GOLGA4: variants seen among roughly 807,000 people sequenced by gnomAD.
The protein encoded by GOLGA4 is golgin subfamily A member 4.
Under a neutral mutation model 265.9 loss-of-function variants are expected in GOLGA4, and 169 were observed. That is an observed-to-expected ratio of 0.64 (90% CI 0.56 to 0.72). The LOEUF is 0.72. GOLGA4 is among the 30% of genes least tolerant of loss of function. The probability of loss-of-function intolerance (pLI) is 0.00; values close to 1 mark genes in which losing one functional copy is unlikely to be tolerated. For synonymous variants in GOLGA4, 923 were observed against 855.8 expected, an observed-to-expected ratio of 1.08 and a Z score of -1.37; for missense variants, 2,482 against 2,483.4, an observed-to-expected ratio of 1.00 and a Z score of 0.01.
chr3:37,244,466 G>C (rs1292089259), intron 1 of GOLGA4, among the ~76,000 whole-genome samples: 1 of 152,210 alleles, frequency 6.6e-6, no homozygotes, highest in East Asian at 1.9e-4. Flanking sequence ...GCGTTCACTG[G>C]AGATGTTTCG....
rs544072031 is a variant in GOLGA4, at chr3:37,243,973, G to C, written c.72+351G>C. The C allele has an allele frequency of 7.1e-5, 18 of 253,408 alleles. No individual in the cohort carries two copies. The South Asian group carries it at 1.2e-3, about 17-fold the overall frequency. The allele number at this position is 253,408 out of a possible 1,614,324, so 15.7% of individuals were successfully genotyped here. On this transcript the variant is annotated intron_variant, in intron 1 of 23. Coordinates refer to ENST00000361924, the MANE Select transcript of GOLGA4 (RefSeq NM_002078.5). The stretch of plus-strand genomic sequence containing the variant: ...CCACTCATCTGAGACCCCACGCTGG[G>C]AATGAGGGCGGGGTGGAAAAACCCG...
At chr3:37,306,670 T>A (rs771002987) in intron 10 of GOLGA4, among the ~76,000 whole-genome samples, 11 of 152,162 alleles carry the variant, frequency 7.2e-5, no homozygotes, top group East Asian at 1.9e-4. Flanking sequence ...TAATTTTTTT[T>A]AATTATTGTA....
Position 37,323,623 on chromosome 3 carries a change from C to T in GOLGA4, c.1737C>T (p.Ser579=). Residue 579 remains serine, a synonymous_variant, in exon 14 of 24, where the codon AGC becomes AGT. Transcript: ENST00000361924. ...AATTGGAAAGTTCTTTGGAAAAAAGCTTACAAGAAAACAAAAATCAGTCAA... is the reference window on the plus strand; with the variant it reads ...AATTGGAAAGTTCTTTGGAAAAAAGTTTACAAGAAAACAAAAATCAGTCAA... ...ILELESSLEK[S]LQENKNQSKD... The T allele has an allele frequency of 3.2e-6, 5 of 1,574,968 alleles. No individual in the cohort carries two copies. The East Asian group carries it at 6.7e-5, about 21-fold the overall frequency.
chr3:37,304,027 C>A (rs1375435980), intron 10 of GOLGA4, among the ~76,000 whole-genome samples: 2 of 152,098 alleles, frequency 1.3e-5, no homozygotes, highest in Non-Finnish European at 2.9e-5. Context: ...GGCATTGTGA[C>A]TCAGAGTCTG....
At chr3:37,349,029 G>A (rs901913253) in intron 21 of GOLGA4, among the ~76,000 whole-genome samples, 3 of 152,102 alleles carry the variant, frequency 2.0e-5, no homozygotes, top group African/African-American at 7.2e-5. Flanking sequence ...TTTGTGTTGA[G>A]GAGTAGTGCT....
rs768593334 is a variant in GOLGA4 at position 37,327,429 on chromosome 3, C to T, written c.5543C>T (p.Thr1848Ile). 17 of 1,613,306 alleles carry T rather than the reference C, an allele frequency of 1.1e-5. No homozygotes were observed. Among genetic ancestry groups the T allele is most frequent in the Non-Finnish European group, 1.4e-5 (16 of 1,179,780 alleles). Residue 1848 changes from threonine (T) to isoleucine (I), a missense_variant, in exon 14 of 24, where the codon ACC becomes ATC. Thr to Ile is a moderately conservative substitution (Grantham distance 89). Around this residue, in one of 3 missense-constraint regions of GOLGA4, gnomAD observed 942 missense variants for 983.1 expected, o/e 0.96. Transcript: ENST00000361924. The part of the protein sequence containing the change: ...VQKTLQEKEL[T>I]CQILEQKIKE... ...AAAACCCTCCAGGAGAAGGAACTAACCTGTCAGATTTTGGAGCAAAAGATA... is the reference window on the plus strand; with the variant it reads ...AAAACCCTCCAGGAGAAGGAACTAATCTGTCAGATTTTGGAGCAAAAGATA...
intron 1 of GOLGA4, 98 bp from the exon 2 acceptor site, chr3:37,251,297 C>T (rs2096732972): frequency 4.4e-6 from 3 of 682,846 alleles, no homozygotes; most frequent in East Asian, 2.7e-5. Context: ...CTTTCTTTCA[C>T]TGAATTCTTT....
At chr3:37,335,647 A>T (rs2151000441) in intron 17 of GOLGA4, among the ~76,000 whole-genome samples, 1 of 152,274 alleles carries the variant, frequency 6.6e-6, no homozygotes, top group South Asian at 2.1e-4. Context: ...TAAGAAAAAC[A>T]ATTTCTATCT....
rs368685676 is a variant in GOLGA4, at chr3:37,276,294, C to CA, written c.163-5658dup. The CA allele has an allele frequency of 9.4e-6, 15 of 1,592,956 alleles. No individual in the cohort carries two copies. In the Admixed American group the frequency reaches 1.7e-4, roughly 18 times the overall value. On this transcript the variant is annotated intron_variant, in intron 2 of 23. Coordinates refer to ENST00000361924, the MANE Select transcript of GOLGA4 (RefSeq NM_002078.5). ...AGTAGGATATCAAATCTTAAAGATG[C>CA]AAAAAATCCAAATTTAAGGAAAAAT...
At chr3:37,288,162 T>TAC (rs1199919088) in intron 4 of GOLGA4, among the ~76,000 whole-genome samples, 2 of 146,208 alleles carry the variant, frequency 1.4e-5, no homozygotes, top group African/African-American at 5.2e-5. Context: ...ACTGCAGTGG[T>TAC]GCGATCTTGG....
At chr3:37,275,721 A>G (rs1578452676) in intron 2 of GOLGA4, 1 of 1,612,528 alleles carries the variant, frequency 6.2e-7, no homozygotes, top group Non-Finnish European at 8.5e-7. Flanking sequence ...CGCTTTGCCA[A>G]GAAGATGGAC....
chr3:37,302,235 G>A lies in GOLGA4; in HGVS notation c.1137G>A (p.Met379Ile), dbSNP rs913977550. 2 of 1,612,934 alleles carry A rather than the reference G, an allele frequency of 1.2e-6. No individual in the cohort carries two copies. Among genetic ancestry groups the A allele is most frequent in the African/African-American group, 2.7e-5 (2 of 74,904 alleles). ...GTCAGATGCATGAAACCCTGGAAATGAAAGAAGAAGAAATTGCTCAACTCC... is the reference window on the plus strand; with the variant it reads ...GTCAGATGCATGAAACCCTGGAAATAAAAGAAGAAGAAATTGCTCAACTCC... ...TKRQMHETLEMKEEEIAQLRS... is the reference protein window; with the variant it reads ...TKRQMHETLEIKEEEIAQLRS... Residue 379 changes from methionine (M) to isoleucine (I), a missense_variant, in exon 10 of 24, where the codon ATG (methionine) becomes ATA (isoleucine). Met to Ile is a conservative substitution (Grantham distance 10). Transcript: ENST00000361924.
At chr3:37,265,759 C>T (rs933760852) in intron 2 of GOLGA4, among the ~76,000 whole-genome samples, 5 of 151,956 alleles carry the variant, frequency 3.3e-5, no homozygotes, top group South Asian at 2.1e-4. Context: ...AATTTTAGGC[C>T]GGTTGTGCTG....
chr3:37,251,260 T>C, intron 1 of GOLGA4, 135 bp from the exon 2 acceptor site: 1 of 591,450 alleles, frequency 1.7e-6, no homozygotes, highest in South Asian at 2.2e-5. Flanking sequence ...GTTATCCTTT[T>C]CTGCTTTTCG....
chr3:37,347,360 A>C, intron 21 of GOLGA4, 64 bp downstream of exon 21: 1 of 886,302 alleles, frequency 1.1e-6, no homozygotes, highest in Middle Eastern at 2.6e-4. Flanking sequence ...TTCCACTTTT[A>C]ATACACATGT....
chr3:37,292,993 C>T (rs2150826025), intron 5 of GOLGA4, among the ~76,000 whole-genome samples: 1 of 152,284 alleles, frequency 6.6e-6, no homozygotes, highest in Admixed American at 6.5e-5. Flanking sequence ...GATAGTGCCT[C>T]AGTGTTTTGC....
In GOLGA4 at chr3:37,243,345, C is replaced by A; in HGVS notation, c.-206C>A. 1 of 577,482 alleles carries A rather than the reference C, an allele frequency of 1.7e-6. No individual in the cohort carries two copies. Among genetic ancestry groups the A allele is most frequent in the Non-Finnish European group, 3.1e-6 (1 of 321,864 alleles). The allele number at this position is 577,482 out of a possible 1,614,324, so 35.8% of individuals were successfully genotyped here. On this transcript the variant is annotated 5_prime_UTR_variant, in exon 1 of 24. Transcript: ENST00000361924. The stretch of plus-strand genomic sequence containing the variant: ...GGGGGGCCGAGGCCAGCCAGTGGCA[C>A]CCGGAAGAAAGAGACGCGGCGGCGG...
chr3:37,324,588 A>G lies in GOLGA4; in HGVS notation c.2702A>G (p.Gln901Arg). The G allele has an allele frequency of 2.5e-6, 4 of 1,613,950 alleles. No homozygotes were observed. Among genetic ancestry groups the G allele is most frequent in the Non-Finnish European group, 3.4e-6 (4 of 1,179,926 alleles). ...GAAGATGGTAACAAAGAACAGGAAC[A>G]GACAAAGCAAATCTTGGTGGAAAAG... ...KLEDGNKEQE[Q>R]TKQILVEKEN... The change falls in exon 14 of 24, where the codon CAG (glutamine) becomes CGG (arginine). Residue 901 changes from glutamine (Q) to arginine (R), a missense_variant. Around this residue, in one of 3 missense-constraint regions of GOLGA4, gnomAD observed 1,536 missense variants for 1,483.7 expected, o/e 1.04. Coordinates refer to ENST00000361924, the MANE Select transcript of GOLGA4 (RefSeq NM_002078.5).
chr3:37,244,989 G>T (rs2096715045), intron 1 of GOLGA4, among the ~76,000 whole-genome samples: 1 of 152,200 alleles, frequency 6.6e-6, no homozygotes, highest in Non-Finnish European at 1.5e-5. Flanking sequence ...TGTATAAAAT[G>T]TAATTGAGCC....
Sources: allele counts gnomAD v4.1 joint callset (sites outside exome capture counted in the v4.1 genomes callset), GRCh38; gene constraint gnomAD v4.1.1; regional missense constraint gnomAD v4.1.1; transcripts MANE v1.5; gene names NCBI Gene and HGNC (gene_info 2026-07-23, HGNC 2026-07-21).